TNPO1: variants seen among roughly 807,000 people sequenced by gnomAD.
TNPO1 encodes transportin-1.
TNPO1 carries 8 observed loss-of-function variants against 119.5 expected under a neutral mutation model. The observed-to-expected ratio is 0.07, with a 90% CI of 0.04 to 0.12. The LOEUF is 0.12. Ranked by LOEUF, TNPO1 falls within the 10% of genes least tolerant of loss-of-function variation. TNPO1 has a pLI of 1.00. For synonymous variants in TNPO1, 362 were observed against 363.0 expected (o/e 1.00, Z 0.03); for missense variants, 576 against 1,089.8 (o/e 0.53, Z 6.64).
chr5:72,862,805 C>G (rs1746560778), intron 5 of TNPO1, among the ~76,000 whole-genome samples: 1 of 152,068 alleles, frequency 6.6e-6, no homozygotes, highest in African/African-American at 2.4e-5. Flanking sequence ...GCCACCACGC[C>G]CGCCTAATTT....
chr5:72,905,396 T>C lies in TNPO1; in HGVS notation c.2683T>C (p.Phe895Leu). Residue 895 changes from phenylalanine to leucine, a missense_variant, in exon 24 of 25, where the codon TTT becomes CTT. Around this residue, in one of 6 missense-constraint regions of TNPO1, gnomAD observed 162 missense variants for 294.1 expected, o/e 0.55. Transcript: ENST00000337273. ...PLPLKERLAA[F>L]YGV ...TCCCTTAAAAGAGCGTCTTGCAGCT[T>C]TTTATGGTGTTTAATCTAATACACT... The C allele has an allele frequency of 6.2e-7, 1 of 1,610,470 alleles. No individual in the cohort carries two copies. The highest frequency in any genetic ancestry group is 8.5e-7 in the Non-Finnish European group (1 of 1,178,578).
rs1273390073 is a variant in TNPO1, at chr5:72,910,679, A to G, written c.*2006A>G. The G allele has an allele frequency of 2.6e-5, 4 of 152,574 alleles. No individual in the cohort carries two copies. The highest frequency in any genetic ancestry group is 2.0e-4 in the Admixed American group (3 of 15,290). 9.5% of individuals were successfully genotyped at this position (152,574 alleles called of 1,614,324 possible). On this transcript the variant is annotated 3_prime_UTR_variant, in exon 25 of 25. Coordinates refer to ENST00000337273, the MANE Select transcript of TNPO1 (RefSeq NM_002270.4). ...TCTTTGCATGGTTCTATTCTCTAAA[A>G]GTGTTGAATGATACAGCCATTGCAC...
At chr5:72,865,495 C>T in intron 5 of TNPO1, 101 bp from the exon 6 acceptor site, 1 of 1,305,946 alleles carries the variant, frequency 7.7e-7, no homozygotes, top group Non-Finnish European at 1.1e-6. Context: ...TTTATGTGGG[C>T]TGAGAACATT....
Position 72,816,755 on chromosome 5 carries a change from A to T in TNPO1, c.15+3A>T. On this transcript the variant is annotated splice_donor_region_variant and intron_variant, in intron 1 of 24. Coordinates refer to ENST00000337273, the MANE Select transcript of TNPO1 (RefSeq NM_002270.4). Reference sequence around the variant, plus strand: ...CGTCTGGGATGGTGTGGGACCGGGTAGGTGGCGTGAGGGTGCGCGGCCCCG... The same window carrying T: ...CGTCTGGGATGGTGTGGGACCGGGTTGGTGGCGTGAGGGTGCGCGGCCCCG... 6.3e-7 allele frequency: 1 copy of T among 1,584,562 alleles called. No individual in the cohort carries two copies. Among genetic ancestry groups the T allele is most frequent in the Non-Finnish European group, 8.6e-7 (1 of 1,167,390 alleles).
At chr5:72,851,102 G>T in intron 2 of TNPO1, 142 bp from the exon 3 acceptor site, 2 of 622,560 alleles carry the variant, frequency 3.2e-6, no homozygotes, top group Non-Finnish European at 5.8e-6. Flanking sequence ...GATAGATTTA[G>T]TAAGATATCC....
chr5:72,823,206 T>C (rs1744054949), intron 1 of TNPO1, among the ~76,000 whole-genome samples: 1 of 152,142 alleles, frequency 6.6e-6, no homozygotes. Flanking sequence ...ATATCTGTCA[T>C]GAGTCTTCTT....
intron 9 of TNPO1, 87 bp from the exon 10 acceptor site, chr5:72,882,380 G>C (rs927830969): frequency 1.3e-5 from 12 of 947,252 alleles, no homozygotes; most frequent in Non-Finnish European, 1.9e-5. Context: ...TATCTCATTG[G>C]TTTTATTAGT....
chr5:72,862,992 T>TGTGTGTGTG (rs1746580660), intron 5 of TNPO1, among the ~76,000 whole-genome samples: 15 of 144,870 alleles, frequency 1.0e-4, no homozygotes, highest in African/African-American at 3.3e-4. Context: ...CTGTGGGTTT[T>TGTGTGTGTG]TGTGTGTGTG....
intron 11 of TNPO1, among the ~76,000 whole-genome samples, chr5:72,886,138 C>T (rs1319824300): frequency 6.6e-6 from 1 of 151,576 alleles, no homozygotes; most frequent in African/African-American, 2.4e-5. Flanking sequence ...ACGTTCCTAC[C>T]CATAACAGTT....
intron 24 of TNPO1, 110 bp from the exon 25 acceptor site, chr5:72,908,599 T>C: frequency 6.3e-6 from 1 of 158,090 alleles, no homozygotes; most frequent in South Asian, 1.7e-4. Flanking sequence ...AATTTCTCAT[T>C]TTCTTTATAG....
intron 1 of TNPO1, among the ~76,000 whole-genome samples, chr5:72,838,402 C>T (rs1183287746): frequency 6.6e-6 from 1 of 152,078 alleles, no homozygotes; most frequent in Non-Finnish European, 1.5e-5. Context: ...CTTGGCTTAT[C>T]AACTGTTTAG....
chr5:72,817,959 C>T (rs1186183528), intron 1 of TNPO1, among the ~76,000 whole-genome samples: 1 of 152,210 alleles, frequency 6.6e-6, no homozygotes, highest in Non-Finnish European at 1.5e-5. Context: ...TTACCTGGCA[C>T]CGTAGTTGTT....
intron 24 of TNPO1, among the ~76,000 whole-genome samples, chr5:72,908,320 A>G (rs1388425382): frequency 2.6e-5 from 4 of 152,204 alleles, no homozygotes; most frequent in Non-Finnish European, 4.4e-5. Flanking sequence ...AGAAAGTGCT[A>G]CTTTATTTTT....
intron 1 of TNPO1, among the ~76,000 whole-genome samples, chr5:72,827,304 A>G (rs1322804781): frequency 6.6e-6 from 1 of 152,216 alleles, no homozygotes; most frequent in Non-Finnish European, 1.5e-5. Flanking sequence ...GGCTGTGATG[A>G]GGATATAAGA....
At chr5:72,858,585 C>T (rs1020332831) in intron 4 of TNPO1, among the ~76,000 whole-genome samples, 2 of 152,128 alleles carry the variant, frequency 1.3e-5, no homozygotes, top group Non-Finnish European at 2.9e-5. Context: ...TGCCTGTAAT[C>T]CCAGCACTTT....
intron 7 of TNPO1, among the ~76,000 whole-genome samples, chr5:72,874,074 T>A (rs1747599667): frequency 6.6e-6 from 1 of 152,146 alleles, no homozygotes; most frequent in Non-Finnish European, 1.5e-5. Flanking sequence ...CATAGGACGG[T>A]ACTCAGCAAG....
chr5:72,908,836 A>G lies in TNPO1; in HGVS notation c.*163A>G. 1 of 446,154 alleles carries G rather than the reference A, an allele frequency of 2.2e-6. No individual in the cohort carries two copies. Among genetic ancestry groups the G allele is most frequent in the South Asian group, 1.6e-5 (1 of 62,796 alleles). The allele number at this position is 446,154 out of a possible 1,614,324, so 27.6% of individuals were successfully genotyped here. A position where few individuals can be genotyped will look rare whatever the true frequency, so the allele number is the denominator to read the frequency against. ...AACCCTACTGGGAGGGGCGGGAGGG[A>G]GGTGTTGCCGTCACTGTATTAAGTC... On this transcript the variant is annotated 3_prime_UTR_variant, in exon 25 of 25. Transcript: ENST00000337273.
intron 1 of TNPO1, among the ~76,000 whole-genome samples, chr5:72,826,746 T>C (rs992510882): frequency 5.9e-5 from 9 of 152,196 alleles, no homozygotes; most frequent in African/African-American, 2.2e-4. Context: ...TAAAACACTT[T>C]TTGTTTCTAC....
chr5:72,894,227 G>A (rs574245338), intron 18 of TNPO1, among the ~76,000 whole-genome samples: 43 of 151,554 alleles, frequency 2.8e-4, no homozygotes, highest in Non-Finnish European at 5.4e-4. Flanking sequence ...TGCGAGATTC[G>A]AGACTAGCAT....
Sources: allele counts gnomAD v4.1 joint callset (sites outside exome capture counted in the v4.1 genomes callset), GRCh38; gene constraint gnomAD v4.1.1; regional missense constraint gnomAD v4.1.1; transcripts MANE v1.5; gene names NCBI Gene and HGNC (gene_info 2026-07-23, HGNC 2026-07-21).